EPB41L2: variants seen among roughly 807,000 people sequenced by gnomAD.
EPB41L2 encodes band 4.1-like protein 2.
In EPB41L2, 43 loss-of-function variants were observed where a neutral mutation model predicts 113.0. That is an observed-to-expected ratio of 0.38 (90% CI 0.30 to 0.49). EPB41L2 has a LOEUF of 0.49. Ranked by LOEUF, EPB41L2 falls within the 20% of genes least tolerant of loss-of-function variation. The probability of loss-of-function intolerance (pLI) is 0.95; values close to 1 mark genes in which losing one functional copy is unlikely to be tolerated. For synonymous variants in EPB41L2, 442 were observed against 436.7 expected (o/e 1.01, Z -0.15); for missense variants, 1,147 against 1,223.4 (o/e 0.94, Z 0.93).
intron 4 of EPB41L2, among the ~76,000 whole-genome samples, chr6:130,915,284 C>A (rs1800662103): frequency 6.6e-6 from 1 of 152,098 alleles, no homozygotes; most frequent in Non-Finnish European, 1.5e-5. Flanking sequence ...GCCTGGGCGA[C>A]AGAGCGAGAC....
chr6:130,926,004 C>A (rs1402237441), intron 4 of EPB41L2, among the ~76,000 whole-genome samples: 2 of 152,178 alleles, frequency 1.3e-5, no homozygotes, highest in East Asian at 3.8e-4. Context: ...ACAACGATAG[C>A]AATGTAGGCA....
chr6:130,877,217 A>C (rs1787848386), intron 14 of EPB41L2, among the ~76,000 whole-genome samples: 1 of 152,258 alleles, frequency 6.6e-6, no homozygotes, highest in South Asian at 2.1e-4. Context: ...TAGAATATCT[A>C]AATCAATGTC....
chr6:130,951,400 C>A (rs1368061120), intron 3 of EPB41L2, among the ~76,000 whole-genome samples: 2 of 141,514 alleles, frequency 1.4e-5, no homozygotes, highest in African/African-American at 2.6e-5. Flanking sequence ...CCTTGGCTCA[C>A]TGCAACCTCT....
At chr6:130,977,084 T>G (rs1301637454) in intron 1 of EPB41L2, among the ~76,000 whole-genome samples, 1 of 152,184 alleles carries the variant, frequency 6.6e-6, no homozygotes, top group African/African-American at 2.4e-5. Flanking sequence ...TCTCACACTT[T>G]GAAGGAGCAG....
chr6:131,017,532 C>G (rs142981562), intron 1 of EPB41L2, among the ~76,000 whole-genome samples: 141 of 152,300 alleles, frequency 9.3e-4, no homozygotes, highest in Middle Eastern at 3.4e-3. Flanking sequence ...AGTTCATATG[C>G]AGCTCACTCA....
chr6:130,853,406 G>A (rs563971233), intron 19 of EPB41L2, among the ~76,000 whole-genome samples: 84 of 152,308 alleles, frequency 5.5e-4, no homozygotes, highest in African/African-American at 1.9e-3. Context: ...GATCGGGACC[G>A]TTTGGGAATA....
At position 130,952,596 on chromosome 6, in the gene EPB41L2, C is replaced by T. The variant is rs145491727; in HGVS notation, c.705+2509G>A. Among the ~76,000 whole-genome samples, 207 of 152,216 alleles carry T rather than the reference C, an allele frequency of 1.4e-3. 1 individual carries two copies. The highest frequency in any genetic ancestry group is 1.7e-3 in the East Asian group (9 of 5,182). ...TTGGGAGGCCAAGGTGGGCGGATCA[C>T]GAGGTCAGGTGATCGAGACCATCCT... is the stretch of plus-strand genomic sequence containing the variant. On this transcript the variant is annotated intron_variant, in intron 3 of 19. Transcript: ENST00000337057.
chr6:131,037,424 CACTT>C lies in EPB41L2; in HGVS notation c.-15+25727_-15+25730del, dbSNP rs758270769. Among the ~76,000 whole-genome samples the C allele has an allele frequency of 5.3e-4, 80 of 151,966 alleles. 1 individual carries two copies. Among genetic ancestry groups the C allele is most frequent in the Admixed American group, 4.7e-3 (71 of 15,254 alleles). ...GAGCTGTGCCTTAGATGATATGACT[CACTT>C]ACACAGGGCCCAGGGTTTGAAAAAA... On this transcript the variant is annotated intron_variant, in intron 1 of 19. Coordinates refer to ENST00000337057, the MANE Select transcript of EPB41L2 (RefSeq NM_001431.4).
chr6:130,904,142 A>C (rs538880153), intron 6 of EPB41L2, among the ~76,000 whole-genome samples: 4 of 152,324 alleles, frequency 2.6e-5, no homozygotes, highest in African/African-American at 9.6e-5. Context: ...TATATACAAT[A>C]AAAATGACCT....
chr6:130,983,426 C>T (rs1779825961), intron 1 of EPB41L2, among the ~76,000 whole-genome samples: 1 of 152,094 alleles, frequency 6.6e-6, no homozygotes, highest in Non-Finnish European at 1.5e-5. Flanking sequence ...CATGGTATAG[C>T]CTACTACACA....
At chr6:130,863,816 A>G in intron 17 of EPB41L2, 98 bp from the exon 18 acceptor site, 1 of 743,314 alleles carries the variant, frequency 1.3e-6, no homozygotes, top group Non-Finnish European at 2.3e-6. Context: ...AGACCTGTGG[A>G]TCATTGTAAG....
At chr6:130,855,393 C>T (rs1562301156) in intron 19 of EPB41L2, among the ~76,000 whole-genome samples, 1 of 151,984 alleles carries the variant, frequency 6.6e-6, no homozygotes, top group Non-Finnish European at 1.5e-5. Flanking sequence ...AAATACATCT[C>T]AAAGATAAAA....
chr6:131,006,320 G>A lies in EPB41L2; in HGVS notation c.-14-49821C>T, dbSNP rs949883215. On this transcript the variant is annotated intron_variant, in intron 1 of 19. Transcript: ENST00000337057. Reference sequence around the variant, plus strand: ...GATCTGCCTGCCTCTGCCTCCCAAAGTGCTGGGATTACAGGCATGAGCCAC... The same window carrying A: ...GATCTGCCTGCCTCTGCCTCCCAAAATGCTGGGATTACAGGCATGAGCCAC... Among the ~76,000 whole-genome samples, 4 of 151,280 alleles carry A rather than the reference G, an allele frequency of 2.6e-5. No homozygotes were observed. The South Asian group carries it at 8.4e-4, about 32-fold the overall frequency.
intron 1 of EPB41L2, among the ~76,000 whole-genome samples, chr6:131,016,477 A>AACACACACACACACAC (rs10584309): frequency 4.9e-5 from 7 of 143,536 alleles, no homozygotes; most frequent in Admixed American, 2.1e-4. Flanking sequence ...TTAATAAGGA[A>AACACACACACACACAC]ACACACACAC....
At chr6:130,955,429 A>G in intron 2 of EPB41L2, 112 bp from the exon 3 acceptor site, 1 of 1,033,990 alleles carries the variant, frequency 9.7e-7, no homozygotes, top group Non-Finnish European at 1.4e-6. Flanking sequence ...AAACACTGTA[A>G]CTTTCAGATT....
intron 12 of EPB41L2, among the ~76,000 whole-genome samples, chr6:130,884,328 T>C (rs753417072): frequency 1.3e-5 from 2 of 151,994 alleles, no homozygotes; most frequent in African/African-American, 2.4e-5. Context: ...AGAGCGAAAC[T>C]TCATCTCGAA....
At chr6:130,964,492 C>CAAA (rs34008072) in intron 1 of EPB41L2, among the ~76,000 whole-genome samples, 81 of 145,014 alleles carry the variant, frequency 5.6e-4, no homozygotes, top group African/African-American at 1.5e-3. Context: ...TCCTCATAAG[C>CAAA]AAAAAAAAAA....
At chr6:130,879,218 T>C (rs992577381) in intron 13 of EPB41L2, among the ~76,000 whole-genome samples, 1 of 152,238 alleles carries the variant, frequency 6.6e-6, no homozygotes, top group Non-Finnish European at 1.5e-5. Flanking sequence ...TGCACAAGCA[T>C]AGTAGCTCAT....
intron 1 of EPB41L2, among the ~76,000 whole-genome samples, chr6:130,966,042 CAA>C (rs11294800): frequency 6.6e-6 from 1 of 151,382 alleles, no homozygotes; most frequent in Non-Finnish European, 1.5e-5. Flanking sequence ...AAAAAAATTG[CAA>C]AAAAAAAATC....
Sources: allele counts gnomAD v4.1 joint callset (sites outside exome capture counted in the v4.1 genomes callset), GRCh38; gene constraint gnomAD v4.1.1; transcripts MANE v1.5; gene names NCBI Gene and HGNC (gene_info 2026-07-23, HGNC 2026-07-21).